The following KCTD7 variants were observed in gnomAD, a reference collection of about 807,000 sequenced individuals.
KCTD7 encodes BTB/POZ domain-containing protein KCTD7.
A neutral mutation model predicts 27.0 loss-of-function variants in KCTD7; 15 were observed. The ratio of observed to expected loss-of-function variants is 0.56; its 90% confidence interval spans 0.37 to 0.86. The LOEUF (loss-of-function observed/expected upper bound fraction) is 0.86, where lower values mean the gene tolerates loss of function less well. KCTD7 is among the 40% of genes least tolerant of loss of function. KCTD7 has a pLI of 0.00. For synonymous variants in KCTD7, 159 were observed against 162.7 expected, an observed-to-expected ratio of 0.98 and a Z score of 0.17; for missense variants, 299 against 398.9, an observed-to-expected ratio of 0.75 and a Z score of 2.13.
intron 2 of KCTD7, among the ~76,000 whole-genome samples, chr7:66,636,190 C>T (rs918583884): frequency 2.6e-5 from 4 of 152,190 alleles, no homozygotes; most frequent in African/African-American, 4.8e-5. Context: ...GTATCCCTAG[C>T]GTCCACCGTG....
At chr7:66,635,364 A>G (rs905858997) in intron 2 of KCTD7, among the ~76,000 whole-genome samples, 1 of 152,200 alleles carries the variant, frequency 6.6e-6, no homozygotes, top group African/African-American at 2.4e-5. Context: ...TTTCCCAAGA[A>G]AGGACTTCTG....
Position 66,633,444 on chromosome 7 carries a change from G to A in KCTD7, c.314G>A (p.Gly105Glu). 1 of 1,614,042 alleles carries A rather than the reference G, an allele frequency of 6.2e-7. No individual in the cohort carries two copies. Among genetic ancestry groups the A allele is most frequent in the Non-Finnish European group, 8.5e-7 (1 of 1,179,994 alleles). ...ATCGACCGAGATGGCACACACTTTGGGTATGTCTCTCCCTCTACAATCAAC... is the reference window on the plus strand; with the variant it reads ...ATCGACCGAGATGGCACACACTTTGAGTATGTCTCTCCCTCTACAATCAAC... ...YFIDRDGTHFGDVLNFLRSGD... is the reference protein window; with the variant it reads ...YFIDRDGTHFEDVLNFLRSGD... Residue 105 changes from glycine to glutamate, a missense_variant and splice_region_variant, in exon 2 of 4, where the codon GGA (glycine) becomes GAA (glutamate). Coordinates refer to ENST00000639828, the MANE Select transcript of KCTD7 (RefSeq NM_153033.5).
Position 66,638,846 on chromosome 7 carries a change from A to G in KCTD7, c.494-10A>G, listed in dbSNP as rs1452057478. 1 of 1,613,624 alleles carries G rather than the reference A, an allele frequency of 6.2e-7. No homozygotes were observed. The highest frequency in any genetic ancestry group is 8.5e-7 in the Non-Finnish European group (1 of 1,179,994). ...CACCCTAGTGATAGGTGTTGTGTTCATCCTTATAGACCACTTGGAGCGGAT... is the reference window on the plus strand; with the variant it reads ...CACCCTAGTGATAGGTGTTGTGTTCGTCCTTATAGACCACTTGGAGCGGAT... On this transcript the variant is annotated splice_polypyrimidine_tract_variant and intron_variant, in intron 3 of 3. Transcript: ENST00000639828.
Position 66,639,431 on chromosome 7 carries a change from C to T in KCTD7, c.*199C>T, listed in dbSNP as rs1052877177. The T allele has an allele frequency of 1.6e-5, 24 of 1,467,516 alleles. No homozygotes were observed. The African/African-American group carries it at 2.0e-4, about 12-fold the overall frequency. The allele number at this position is 1,467,516 out of a possible 1,614,324, so 90.9% of individuals were successfully genotyped here. A position where few individuals can be genotyped will look rare whatever the true frequency, so the allele number is the denominator to read the frequency against. On this transcript the variant is annotated 3_prime_UTR_variant, in exon 4 of 4. Coordinates refer to ENST00000639828, the MANE Select transcript of KCTD7 (RefSeq NM_153033.5). Reference sequence around the variant, plus strand: ...ACCTCAGGGTTGGGCTCAGGGCTTGCGGCCTGCAGGCACTCCAGCCAGCGC... The same window carrying T: ...ACCTCAGGGTTGGGCTCAGGGCTTGTGGCCTGCAGGCACTCCAGCCAGCGC...
At chr7:66,635,459 C>A (rs1007546247) in intron 2 of KCTD7, among the ~76,000 whole-genome samples, 10 of 152,110 alleles carry the variant, frequency 6.6e-5, no homozygotes, top group African/African-American at 2.4e-4. Flanking sequence ...AGCTGCTGCA[C>A]AGGCTTGTCA....
chr7:66,639,122 G>T lies in KCTD7; in HGVS notation c.760G>T (p.Ala254Ser), dbSNP rs1205849942. ...LLHCLVTDLS[A>S]QGLTVDHQCI... ...GCACTGCCTGGTCACGGACCTCTCG[G>T]CCCAGGGTCTCACCGTGGACCACCA... Residue 254 changes from alanine to serine, a missense_variant, in exon 4 of 4, where the codon GCC becomes TCC. By Grantham distance (99) the Ala-to-Ser change is moderately conservative. Transcript: ENST00000639828. The T allele has an allele frequency of 6.2e-7, 1 of 1,614,030 alleles. No individual in the cohort carries two copies. Among genetic ancestry groups the T allele is most frequent in the Non-Finnish European group, 8.5e-7 (1 of 1,180,034 alleles).
Position 66,641,381 on chromosome 7 carries a change from T to C in KCTD7, c.*2149T>C. ...TCATTAAGCCCATTGCTTTCAGTAA[T>C]GTGGCCTTGACCCCTTCTGCTTCCC... On this transcript the variant is annotated 3_prime_UTR_variant, in exon 4 of 4. Transcript: ENST00000639828. The C allele has an allele frequency of 1.0e-6, 1 of 985,454 alleles. No homozygotes were observed. Among genetic ancestry groups the C allele is most frequent in the African/African-American group, 1.7e-5 (1 of 57,370 alleles). 61.0% of individuals were successfully genotyped at this position (985,454 alleles called of 1,614,324 possible).
chr7:66,630,345 C>T (rs1786417520), intron 1 of KCTD7, among the ~76,000 whole-genome samples: 1 of 152,108 alleles, frequency 6.6e-6, no homozygotes, highest in African/African-American at 2.4e-5. Flanking sequence ...AATCCCAGCA[C>T]TTTGGGAGGT....
At chr7:66,629,280 G>A in intron 1 of KCTD7, 72 bp downstream of exon 1, 1 of 976,744 alleles carries the variant, frequency 1.0e-6, no homozygotes, top group Non-Finnish European at 1.3e-6. Context: ...GGGCATAGCG[G>A]TCCTCGGCGG....
rs1786755680 is a variant in KCTD7 at position 66,643,031 on chromosome 7, A to G, written c.*3799A>G. 1 of 985,434 alleles carries G rather than the reference A, an allele frequency of 1.0e-6. No homozygotes were observed. Among genetic ancestry groups the G allele is most frequent in the Non-Finnish European group, 1.2e-6 (1 of 829,934 alleles). The allele number at this position is 985,434 out of a possible 1,614,324, so 61.0% of individuals were successfully genotyped here. A position where few individuals can be genotyped will look rare whatever the true frequency, so the allele number is the denominator to read the frequency against. On this transcript the variant is annotated 3_prime_UTR_variant, in exon 4 of 4. Transcript: ENST00000639828. Reference sequence around the variant, plus strand: ...AGCCTCAGTACACTCCAAGGGCATTAAAGTCAAGAACTAGAACCTGGGTGC... The same window carrying G: ...AGCCTCAGTACACTCCAAGGGCATTGAAGTCAAGAACTAGAACCTGGGTGC...
chr7:66,629,012 G>A lies in KCTD7; in HGVS notation c.-53G>A, dbSNP rs940237483. ...GCTGCTCGGCGGTAGGGAGTGCCCGGGGCCGCCGCCTCCGCCCGCCCGAAG... is the reference window on the plus strand; with the variant it reads ...GCTGCTCGGCGGTAGGGAGTGCCCGAGGCCGCCGCCTCCGCCCGCCCGAAG... On this transcript the variant is annotated 5_prime_UTR_variant, in exon 1 of 4. Coordinates refer to ENST00000639828, the MANE Select transcript of KCTD7 (RefSeq NM_153033.5). The A allele has an allele frequency of 5.4e-6, 8 of 1,472,130 alleles. No individual in the cohort carries two copies. Among genetic ancestry groups the A allele is most frequent in the African/African-American group, 2.9e-5 (2 of 67,908 alleles). The allele number at this position is 1,472,130 out of a possible 1,614,324, so 91.2% of individuals were successfully genotyped here.
intron 2 of KCTD7, 91 bp from the exon 3 acceptor site, chr7:66,638,162 G>T: frequency 3.0e-6 from 4 of 1,329,768 alleles, no homozygotes; most frequent in Non-Finnish European, 4.3e-6. Flanking sequence ...ACAGCTGGCA[G>T]TCTGGTTTTA....
At chr7:66,630,807 G>A (rs544971546) in intron 1 of KCTD7, among the ~76,000 whole-genome samples, 3 of 152,154 alleles carry the variant, frequency 2.0e-5, no homozygotes, top group African/African-American at 4.8e-5. Flanking sequence ...CCCACCACCA[G>A]TTCCCCCCAC....
chr7:66,632,006 G>C (rs568030791), intron 1 of KCTD7, among the ~76,000 whole-genome samples: 1 of 152,296 alleles, frequency 6.6e-6, no homozygotes, highest in East Asian at 1.9e-4. Context: ...ATCGTGCTAG[G>C]TGCTATTATA....
At position 66,633,373 on chromosome 7, in the gene KCTD7, C is replaced by T. The variant is rs1482293448; in HGVS notation, c.243C>T (p.Phe81=). The T allele has an allele frequency of 6.2e-7, 1 of 1,614,060 alleles. No homozygotes were observed. The part of the protein sequence containing the change: ...CYEDTMLAAM[F]SGRHYIPTDS... ...AAGACACCATGTTGGCAGCCATGTT[C>T]AGTGGGCGGCACTACATCCCCACGG... Residue 81 remains phenylalanine, a synonymous_variant, in exon 2 of 4, where the codon TTC becomes TTT. Transcript: ENST00000639828.
chr7:66,638,233 C>G lies in KCTD7; in HGVS notation c.315-20C>G, dbSNP rs1262683780. ...GGAGCATAAGCTCCTTGTCACCGAC[C>G]CTCTTTCCTTCCTGCTTAGAGATGT... On this transcript the variant is annotated intron_variant, in intron 2 of 3. Transcript: ENST00000639828. The G allele has an allele frequency of 6.2e-7, 1 of 1,613,876 alleles. No homozygotes were observed. The highest frequency in any genetic ancestry group is 2.2e-5 in the East Asian group (1 of 44,896).
rs116134497 is a variant in KCTD7, at chr7:66,638,105, A to G, written c.315-148A>G. ...TATTGTTTTCTCCAATTTTACAGAC[A>G]GGGAAACTGAGACATGGAGTAGTTA... On this transcript the variant is annotated intron_variant, in intron 2 of 3. Transcript: ENST00000639828. 3.8e-3 allele frequency: 3,055 copies of G among 803,144 alleles called. 59 individuals carry two copies. In the African/African-American group the frequency reaches 0.043, roughly 11 times the overall value. 49.8% of individuals were successfully genotyped at this position (803,144 alleles called of 1,614,324 possible). A position where few individuals can be genotyped will look rare whatever the true frequency, so the allele number is the denominator to read the frequency against.
chr7:66,640,957 A>G lies in KCTD7; in HGVS notation c.*1725A>G. The stretch of plus-strand genomic sequence containing the variant: ...GTGTTCATATGAGGAAGAGAAGACC[A>G]AGCCCTGGGACTTTGGCTGAATTCC... On this transcript the variant is annotated 3_prime_UTR_variant, in exon 4 of 4. Transcript: ENST00000639828. 2 of 985,534 alleles carry G rather than the reference A, an allele frequency of 2.0e-6. No homozygotes were observed. The highest frequency in any genetic ancestry group is 2.4e-6 in the Non-Finnish European group (2 of 830,006). The allele number at this position is 985,534 out of a possible 1,614,324, so 61.0% of individuals were successfully genotyped here. A position where few individuals can be genotyped will look rare whatever the true frequency, so the allele number is the denominator to read the frequency against.
intron 1 of KCTD7, among the ~76,000 whole-genome samples, chr7:66,629,927 T>G (rs1786409665): frequency 6.6e-6 from 1 of 152,160 alleles, no homozygotes; most frequent in African/African-American, 2.4e-5. Flanking sequence ...CCACGGGTCT[T>G]ACTTAATGTG....
Sources: allele counts gnomAD v4.1 joint callset (sites outside exome capture counted in the v4.1 genomes callset), GRCh38; gene constraint gnomAD v4.1.1; transcripts MANE v1.5; gene names NCBI Gene and HGNC (gene_info 2026-07-23, HGNC 2026-07-21).